The following ADK variants were observed in gnomAD, a reference collection of about 807,000 sequenced individuals.
The protein encoded by ADK is N6,N6-dimethyladenosine kinase.
In ADK, 24 loss-of-function variants were observed where a neutral mutation model predicts 44.7. The ratio of observed to expected loss-of-function variants is 0.54; its 90% confidence interval spans 0.39 to 0.76. ADK has a LOEUF of 0.76. ADK is among the 30% of genes least tolerant of loss of function. The pLI is 0.00. For synonymous variants in ADK, 128 were observed against 142.6 expected (o/e 0.90, Z 0.73); for missense variants, 321 against 425.1 (o/e 0.76, Z 2.15).
At chr10:74,357,136 C>G (rs1225931759) in intron 4 of ADK, among the ~76,000 whole-genome samples, 1 of 152,132 alleles carries the variant, frequency 6.6e-6, no homozygotes, top group Non-Finnish European at 1.5e-5. Context: ...GGGAACTGGT[C>G]TAAATATATT....
In ADK at chr10:74,314,751, T is replaced by C. The variant is rs546729163; in HGVS notation, c.273+6T>C. ...ATTCAATTAAAGTGGCTCAGGTTGG[T>C]TAATTATTTTAAAAGTTAAAAGGAT... On this transcript the variant is annotated splice_donor_region_variant and intron_variant, in intron 4 of 10. Coordinates refer to ENST00000539909, the MANE Select transcript of ADK (RefSeq NM_006721.4). The C allele has an allele frequency of 1.5e-5, 24 of 1,592,428 alleles. No individual in the cohort carries two copies. In the African/African-American group the frequency reaches 2.8e-4, roughly 19 times the overall value.
At chr10:74,385,273 G>T (rs959696809) in intron 4 of ADK, among the ~76,000 whole-genome samples, 1 of 152,272 alleles carries the variant, frequency 6.6e-6, no homozygotes, top group Non-Finnish European at 1.5e-5. Flanking sequence ...AGAGGCAGGA[G>T]TAAAAGTGTG....
At chr10:74,637,817 G>A (rs1273336632) in intron 9 of ADK, among the ~76,000 whole-genome samples, 2 of 152,214 alleles carry the variant, frequency 1.3e-5, no homozygotes, top group African/African-American at 4.8e-5. Context: ...TAGAGGGCAG[G>A]AAGGGGTGGG....
intron 4 of ADK, among the ~76,000 whole-genome samples, chr10:74,383,946 AGTGCC>A (rs1843057912): frequency 6.6e-6 from 1 of 152,148 alleles, no homozygotes; most frequent in African/African-American, 2.4e-5. Context: ...CAGTATGTCA[AGTGCC>A]ATATTTTGGG....
chr10:74,442,569 CCAGGAGGTGGAGGTTG>C (rs1845456977), intron 6 of ADK, among the ~76,000 whole-genome samples: 1 of 152,154 alleles, frequency 6.6e-6, no homozygotes, highest in Non-Finnish European at 1.5e-5. Context: ...TCGCTCAAAC[CCAGGAGGTGGAGGTTG>C]CAGCGAGCTG....
chr10:74,522,000 TAA>T (rs1848853812), intron 6 of ADK, among the ~76,000 whole-genome samples: 1 of 152,308 alleles, frequency 6.6e-6, no homozygotes, highest in South Asian at 2.1e-4. Flanking sequence ...AGCAGTACTT[TAA>T]AGTGATAAGA....
At chr10:74,660,178 G>C (rs138875147) in intron 9 of ADK, among the ~76,000 whole-genome samples, 50 of 152,228 alleles carry the variant, frequency 3.3e-4, no homozygotes, top group Non-Finnish European at 5.3e-4. Flanking sequence ...ACCCAGGCTG[G>C]AGTGCAGCAG....
At chr10:74,375,433 G>A (rs1198390782) in intron 4 of ADK, among the ~76,000 whole-genome samples, 10 of 152,160 alleles carry the variant, frequency 6.6e-5, no homozygotes, top group Admixed American at 6.5e-4. Flanking sequence ...TAAAAAAATT[G>A]TAGTTGTGCA....
intron 4 of ADK, among the ~76,000 whole-genome samples, chr10:74,329,925 G>A (rs995956509): frequency 2.0e-5 from 3 of 152,022 alleles, no homozygotes; most frequent in Non-Finnish European, 4.4e-5. Flanking sequence ...ACTTTGAGAA[G>A]CCAAGGCCAG....
intron 10 of ADK, among the ~76,000 whole-genome samples, chr10:74,692,733 G>A (rs1229940313): frequency 1.3e-5 from 2 of 152,074 alleles, no homozygotes; most frequent in Non-Finnish European, 2.9e-5. Context: ...AGATACATAG[G>A]TACTTAACAT....
At chr10:74,178,324 C>A (rs1457652114) in intron 1 of ADK, among the ~76,000 whole-genome samples, 1 of 152,098 alleles carries the variant, frequency 6.6e-6, no homozygotes, top group African/African-American at 2.4e-5. Flanking sequence ...AACATGGAGA[C>A]CCACATGGAA....
chr10:74,280,146 T>C (rs1262544049), intron 3 of ADK, among the ~76,000 whole-genome samples: 1 of 152,132 alleles, frequency 6.6e-6, no homozygotes, highest in African/African-American at 2.4e-5. Context: ...GTTTTTTTGT[T>C]TTTTGTTTTT....
chr10:74,423,951 C>T (rs1251280136), intron 6 of ADK: 3 of 190,996 alleles, frequency 1.6e-5, no homozygotes, highest in Non-Finnish European at 3.4e-5. Flanking sequence ...ATTTGGCCAC[C>T]ATAGACTCAT....
intron 6 of ADK, among the ~76,000 whole-genome samples, chr10:74,467,708 A>G: frequency 6.6e-6 from 1 of 152,114 alleles, no homozygotes; most frequent in East Asian, 1.9e-4. Flanking sequence ...ATTTTTCTCT[A>G]TTTAATTTTC....
chr10:74,212,858 T>C (rs548300568), intron 2 of ADK, among the ~76,000 whole-genome samples: 2 of 150,146 alleles, frequency 1.3e-5, no homozygotes, highest in African/African-American at 4.9e-5. Context: ...ACTTTTCGTG[T>C]TATCAAGGTA....
At position 74,176,752 on chromosome 10, in the gene ADK, G is replaced by A. The variant is rs1564573439; in HGVS notation, c.66-24012G>A. 12 of 1,545,550 alleles carry A rather than the reference G, an allele frequency of 7.8e-6. No individual in the cohort carries two copies. In the South Asian group the frequency reaches 1.2e-4, roughly 15 times the overall value. ...GCCGCCCGCGCGCGGGGTGTGTGAGGACGCGCTCCCAGTCGCTGAGTGCCT... is the reference window on the plus strand; with the variant it reads ...GCCGCCCGCGCGCGGGGTGTGTGAGAACGCGCTCCCAGTCGCTGAGTGCCT... On this transcript the variant is annotated intron_variant, in intron 1 of 10. Transcript: ENST00000539909.
intron 6 of ADK, among the ~76,000 whole-genome samples, chr10:74,427,390 G>A (rs185866573): frequency 1.3e-5 from 2 of 152,178 alleles, no homozygotes; most frequent in African/African-American, 4.8e-5. Context: ...AGTAGAGACG[G>A]GGTTTCACCG....
chr10:74,561,815 G>A (rs142174306), intron 7 of ADK, among the ~76,000 whole-genome samples: 1 of 152,238 alleles, frequency 6.6e-6, no homozygotes, highest in Non-Finnish European at 1.5e-5. Flanking sequence ...GAAACCCATG[G>A]GCATAAGCTG....
At chr10:74,376,839 T>C (rs1169332258) in intron 4 of ADK, among the ~76,000 whole-genome samples, 1 of 151,786 alleles carries the variant, frequency 6.6e-6, no homozygotes, top group Non-Finnish European at 1.5e-5. Context: ...GTGTTATTTT[T>C]CCAGGAGAAT....
Sources: allele counts gnomAD v4.1 joint callset (sites outside exome capture counted in the v4.1 genomes callset), GRCh38; gene constraint gnomAD v4.1.1; transcripts MANE v1.5; gene names NCBI Gene and HGNC (gene_info 2026-07-23, HGNC 2026-07-21).